Variants in COL18A1 observed in about 807,000 individuals in gnomAD.
The protein encoded by COL18A1 is collagen alpha-1(XVIII) chain.
In COL18A1, 133 loss-of-function variants were observed where a neutral mutation model predicts 168.0. That is an observed-to-expected ratio of 0.79 (90% CI 0.69 to 0.91). The LOEUF (loss-of-function observed/expected upper bound fraction) is 0.91, where lower values mean the gene tolerates loss of function less well. Among genes scored for constraint, COL18A1 ranks in the 40% least tolerant of loss-of-function variants. The pLI is 0.00. For missense variants in COL18A1, 2,126 were observed against 1,925.4 expected, an observed-to-expected ratio of 1.10 and a Z score of -1.95; for synonymous variants, 949 against 809.0, an observed-to-expected ratio of 1.17 and a Z score of -2.94.
At chr21:45,501,088 G>T (rs12482702) in intron 32 of COL18A1, among the ~76,000 whole-genome samples, 11,583 of 36,938 alleles carry the variant, frequency 0.31, 2,638 homozygotes, top group African/African-American at 0.56. Context: ...GTTGGGTGTG[G>T]AGTGTGGGGG....
chr21:45,487,234 G>A (rs943704909), intron 16 of COL18A1, among the ~76,000 whole-genome samples: 2 of 152,210 alleles, frequency 1.3e-5, no homozygotes, highest in Non-Finnish European at 2.9e-5. Flanking sequence ...CCCTGACCAA[G>A]AGCGAATGAG....
chr21:45,480,216 G>A, intron 11 of COL18A1, 60 bp downstream of exon 11: 4 of 1,168,626 alleles, frequency 3.4e-6, no homozygotes, highest in Admixed American at 3.9e-5. Flanking sequence ...AGCAGGCACT[G>A]CCTCTGGCCC....
In COL18A1 at chr21:45,505,930, C is replaced by G. The variant is rs2037176681; in HGVS notation, c.3180C>G (p.Leu1060=). The change falls in exon 37 of 42, where the codon CTC becomes CTG. Residue 1060 remains leucine, a synonymous_variant. Transcript: ENST00000651438. ...TCTTCGTGGCCGAGCAGGAGGAGCT[C>G]TACGTCCGCGTGCAGAACGGGTTCC... ...WLIFVAEQEE[L]YVRVQNGFRK... The G allele has an allele frequency of 1.2e-6, 2 of 1,613,096 alleles. No homozygotes were observed. The highest frequency in any genetic ancestry group is 2.7e-5 in the African/African-American group (2 of 74,920).
Position 45,482,811 on chromosome 21 carries a change from C to A in COL18A1, c.1691C>A (p.Pro564Gln). The A allele has an allele frequency of 6.2e-7, 1 of 1,614,170 alleles. No individual in the cohort carries two copies. ...TCCGTACAGGGTGAAGCAGGCGCCCCAGGACATAAGGTACAAGCAGAATCC... is the reference window on the plus strand; with the variant it reads ...TCCGTACAGGGTGAAGCAGGCGCCCAAGGACATAAGGTACAAGCAGAATCC... ...QKGSLGEAGA[P>Q]GHKGSKGAPG... Residue 564 changes from proline to glutamine, a missense_variant, in exon 15 of 42, where the codon CCA (proline) becomes CAA (glutamine). By Grantham distance (76) the Pro-to-Gln change is moderately conservative (BLOSUM62 -1). Transcript: ENST00000651438.
chr21:45,512,098 C>A, intron 41 of COL18A1, 90 bp from the exon 42 acceptor site: 1 of 1,430,392 alleles, frequency 7.0e-7, no homozygotes, highest in Non-Finnish European at 9.6e-7. Flanking sequence ...CAGGGCTGGC[C>A]TCCTGCCTCC....
Position 45,496,548 on chromosome 21 carries a change from A to T in COL18A1, c.2557A>T (p.Thr853Ser), listed in dbSNP as rs2146009421. The change falls in exon 30 of 42, where the codon ACT (threonine) becomes TCT (serine). Residue 853 changes from threonine to serine, a missense_variant. Transcript: ENST00000651438. ...TCCAGGGCCCCCAGGCCCTCCAGGG[A>T]CTCCTGTTTACGACAGCAATGTAAG... ...GPPGPPGPPG[T>S]PVYDSNVFAE... is the part of the protein sequence containing the mutation. 6.6e-7 allele frequency: 1 copy of T among 1,513,770 alleles called. No individual in the cohort carries two copies. Among genetic ancestry groups the T allele is most frequent in the South Asian group, 1.1e-5 (1 of 89,200 alleles). 93.8% of individuals were successfully genotyped at this position (1,513,770 alleles called of 1,614,324 possible). A position where few individuals can be genotyped will look rare whatever the true frequency, so the allele number is the denominator to read the frequency against.
At position 45,495,046 on chromosome 21, in the gene COL18A1, C is replaced by T. The variant is rs985159342; in HGVS notation, c.2433+131C>T. 56 of 824,062 alleles carry T rather than the reference C, an allele frequency of 6.8e-5. No homozygotes were observed. In the Middle Eastern group the frequency reaches 1.0e-3, roughly 15 times the overall value. 51.0% of individuals were successfully genotyped at this position (824,062 alleles called of 1,614,324 possible). ...GCACCCACTGTCCTCCCCCAAGAAC[C>T]GGCCCTGCCTGAGCGCAGCTCTTGT... On this transcript the variant is annotated intron_variant, in intron 28 of 41. Transcript: ENST00000651438.
At chr21:45,482,863 T>C (rs773073171) in intron 15 of COL18A1, 42 bp downstream of exon 15, 189 of 1,613,936 alleles carry the variant, frequency 1.2e-4, no homozygotes, top group Non-Finnish European at 1.3e-4. Context: ...CTGCCCCTGG[T>C]GCCCACTCAG....
At chr21:45,428,705 C>T (rs938638378) in intron 2 of COL18A1, among the ~76,000 whole-genome samples, 4 of 152,164 alleles carry the variant, frequency 2.6e-5, no homozygotes, top group East Asian at 1.9e-4. Context: ...AGGTGGTTCC[C>T]GCAGTGCGAG....
At chr21:45,490,701 G>C (rs1417487188) in intron 20 of COL18A1, 135 bp from the exon 21 acceptor site, 1 of 912,800 alleles carries the variant, frequency 1.1e-6, no homozygotes, top group Non-Finnish European at 1.7e-6. Flanking sequence ...CAGGGCTCTT[G>C]GTGGCTGCCT....
intron 32 of COL18A1, among the ~76,000 whole-genome samples, chr21:45,503,149 G>A (rs558781420): frequency 6.6e-6 from 1 of 152,310 alleles, no homozygotes; most frequent in South Asian, 2.1e-4. Flanking sequence ...TCGCCACACT[G>A]ACTTCCACAA....
Position 45,512,281 on chromosome 21 carries a change from C to A in COL18A1, c.3903C>A (p.Ala1301=), listed in dbSNP as rs2037657772. The part of the protein sequence containing the change: ...CETWRTEAPS[A]TGQASSLLGG... Reference sequence around the variant, plus strand: ...CGTGGCGGACGGAGGCTCCCTCGGCCACGGGCCAGGCCTCCTCGCTGCTGG... The same window carrying A: ...CGTGGCGGACGGAGGCTCCCTCGGCAACGGGCCAGGCCTCCTCGCTGCTGG... The change falls in exon 42 of 42, where the codon GCC becomes GCA. Residue 1301 remains alanine (A), a synonymous_variant. Coordinates refer to ENST00000651438, the MANE Select transcript of COL18A1 (RefSeq NM_001379500.1). The A allele has an allele frequency of 6.2e-7, 1 of 1,612,060 alleles. No homozygotes were observed. Among genetic ancestry groups the A allele is most frequent in the Non-Finnish European group, 8.5e-7 (1 of 1,179,658 alleles).
At chr21:45,436,932 C>T (rs987753635) in intron 2 of COL18A1, among the ~76,000 whole-genome samples, 3 of 147,158 alleles carry the variant, frequency 2.0e-5, no homozygotes, top group Non-Finnish European at 4.5e-5. Context: ...AGGGGCGAGC[C>T]GGGCTGCGCG....
In COL18A1 at chr21:45,482,155, T is replaced by TG. The variant is rs1194674628; in HGVS notation, c.1674+134dup. 98 of 729,836 alleles carry TG rather than the reference T, an allele frequency of 1.3e-4. No homozygotes were observed. The East Asian group carries it at 1.8e-3, about 13-fold the overall frequency. The allele number at this position is 729,836 out of a possible 1,614,324, so 45.2% of individuals were successfully genotyped here. ...AGCCCCCCATCACAGCCCCACAGCC[T>TG]GGGGCCTCGCGCTCTGGAGGTCACC... On this transcript the variant is annotated intron_variant, in intron 14 of 41. Coordinates refer to ENST00000651438, the MANE Select transcript of COL18A1 (RefSeq NM_001379500.1).
Position 45,486,941 on chromosome 21 carries a change from AGGCCCCCCTGGGCCCCCTG to A in COL18A1, c.1790_1808del (p.Pro597GlnfsTer121). On this transcript the variant is annotated frameshift_variant, in exon 16 of 42. Transcript: ENST00000651438. LOFTEE classifies it high-confidence loss of function. ...GAGCCCCCGGACCTGCTGGACCACC[AGGCCCCCCTGGGCCCCCTG>A]GGCCCCCAGGACCAGGACTCCCCGC... 1 of 1,502,054 alleles carries A rather than the reference AGGCCCCCCTGGGCCCCCTG, an allele frequency of 6.7e-7. No homozygotes were observed. The highest frequency in any genetic ancestry group is 8.9e-7 in the Non-Finnish European group (1 of 1,126,866). The allele number at this position is 1,502,054 out of a possible 1,614,324, so 93.0% of individuals were successfully genotyped here. A position where few individuals can be genotyped will look rare whatever the true frequency, so the allele number is the denominator to read the frequency against.
intron 2 of COL18A1, among the ~76,000 whole-genome samples, chr21:45,436,941 C>G (rs79202927): frequency 0.046 from 6,732 of 145,942 alleles, 201 homozygotes; most frequent in African/African-American, 0.087. Context: ...CCGGGCTGCG[C>G]GGGGCCCTGG....
At chr21:45,505,319 G>A (rs377459155) in intron 35 of COL18A1, 39 bp from the exon 36 acceptor site, 73 of 1,593,276 alleles carry the variant, frequency 4.6e-5, no homozygotes, top group East Asian at 1.1e-4. Context: ...AGGCCGCCTC[G>A]TGTGGCTTCG....
At chr21:45,492,748 G>GCCACTGCCCTCCCT (rs1555870091) in intron 24 of COL18A1, 35 bp downstream of exon 24, 2 of 1,530,266 alleles carry the variant, frequency 1.3e-6, no homozygotes, top group African/African-American at 2.8e-5. Flanking sequence ...CATGCTGCCC[G>GCCACTGCCCTCCCT]GCTGGGGAGG....
rs7867 is a variant in COL18A1, at chr21:45,512,738, G to A, written c.*340G>A. On this transcript the variant is annotated 3_prime_UTR_variant, in exon 42 of 42. Transcript: ENST00000651438. ...TCTCCAGGATTTCCTGCTTTGGGAA[G>A]CCGTGCTCGCCCCAGCAGGTGCTGA... 0.46 allele frequency: 180,161 copies of A among 395,724 alleles called. 41,587 individuals are homozygous for A. The highest frequency in any genetic ancestry group is 0.57 in the East Asian group (9,768 of 17,120). The allele number at this position is 395,724 out of a possible 1,614,324, so 24.5% of individuals were successfully genotyped here. A position where few individuals can be genotyped will look rare whatever the true frequency, so the allele number is the denominator to read the frequency against.
Sources: allele counts gnomAD v4.1 joint callset (sites outside exome capture counted in the v4.1 genomes callset), GRCh38; gene constraint gnomAD v4.1.1; transcripts MANE v1.5; gene names NCBI Gene and HGNC (gene_info 2026-07-23, HGNC 2026-07-21).